The following XRCC5 variants were observed in gnomAD, a reference collection of about 807,000 sequenced individuals.
The protein encoded by XRCC5 is DNA repair protein Ku80.
XRCC5 carries 12 observed loss-of-function variants against 95.7 expected under a neutral mutation model. That is an observed-to-expected ratio of 0.13 (90% CI 0.08 to 0.20). The LOEUF is 0.20. Among genes scored for constraint, XRCC5 ranks in the 10% least tolerant of loss-of-function variants. The probability of loss-of-function intolerance (pLI) is 1.00; values close to 1 mark genes in which losing one functional copy is unlikely to be tolerated. For missense variants in XRCC5, 595 were observed against 873.9 expected, an observed-to-expected ratio of 0.68 and a Z score of 4.02; for synonymous variants, 281 against 290.3, an observed-to-expected ratio of 0.97 and a Z score of 0.33.
At chr2:216,179,455 T>C (rs1689341393) in intron 16 of XRCC5, among the ~76,000 whole-genome samples, 1 of 152,140 alleles carries the variant, frequency 6.6e-6, no homozygotes, top group South Asian at 2.1e-4. Flanking sequence ...ATTCAGCCCA[T>C]GACAGCACTA....
Position 216,204,503 on chromosome 2 carries a change from A to C in XRCC5, c.2184+107A>C. 7 of 1,201,510 alleles carry C rather than the reference A, an allele frequency of 5.8e-6. No homozygotes were observed. The South Asian group carries it at 8.9e-5, about 15-fold the overall frequency. 74.4% of individuals were successfully genotyped at this position (1,201,510 alleles called of 1,614,324 possible). On this transcript the variant is annotated intron_variant, in intron 20 of 20. Coordinates refer to ENST00000392132, the MANE Select transcript of XRCC5 (RefSeq NM_021141.4). The stretch of plus-strand genomic sequence containing the variant: ...TACACTTGTTGCTTATTTGTGTTTT[A>C]ATTTCCAATACACCAGAAGCTTCCT...
At chr2:216,135,195 CAT>C (rs1446219347) in intron 10 of XRCC5, among the ~76,000 whole-genome samples, 1 of 151,972 alleles carries the variant, frequency 6.6e-6, no homozygotes, top group East Asian at 1.9e-4. Context: ...GAGAGAAGTA[CAT>C]AGTGTTTGGG....
At chr2:216,202,946 C>T (rs893217424) in intron 19 of XRCC5, among the ~76,000 whole-genome samples, 1 of 152,142 alleles carries the variant, frequency 6.6e-6, no homozygotes, top group African/African-American at 2.4e-5. Context: ...CATGCAGCCT[C>T]ATATTTCATG....
At chr2:216,195,106 A>C in intron 19 of XRCC5, 120 bp downstream of exon 19, 1 of 885,616 alleles carries the variant, frequency 1.1e-6, no homozygotes, top group South Asian at 1.5e-5. Flanking sequence ...TTTGTATTCA[A>C]TATGTAAATT....
chr2:216,163,412 C>T (rs1195286857), intron 16 of XRCC5, among the ~76,000 whole-genome samples: 2 of 152,054 alleles, frequency 1.3e-5, no homozygotes, highest in Admixed American at 6.6e-5. Context: ...ACCCTGGCCT[C>T]CTGAGTAGCT....
intron 14 of XRCC5, among the ~76,000 whole-genome samples, chr2:216,149,057 A>G (rs1559247828): frequency 6.6e-6 from 1 of 152,122 alleles, no homozygotes; most frequent in Non-Finnish European, 1.5e-5. Flanking sequence ...TGTATTTTGA[A>G]ATCTGATTTT....
intron 16 of XRCC5, among the ~76,000 whole-genome samples, chr2:216,179,453 C>T (rs961938987): frequency 6.6e-6 from 1 of 152,064 alleles, no homozygotes; most frequent in South Asian, 2.1e-4. Flanking sequence ...CTATTCAGCC[C>T]ATGACAGCAC....
chr2:216,196,209 G>T (rs1017341910), intron 19 of XRCC5, among the ~76,000 whole-genome samples: 1 of 143,978 alleles, frequency 6.9e-6, no homozygotes, highest in African/African-American at 2.7e-5. Flanking sequence ...CCTAGCAAAA[G>T]ATTTTTGTTA....
chr2:216,158,504 CCT>C (rs1688889341), intron 14 of XRCC5, among the ~76,000 whole-genome samples: 4 of 152,262 alleles, frequency 2.6e-5, no homozygotes, highest in African/African-American at 9.6e-5. Context: ...CTGGCTCTGA[CCT>C]TTTTTTTTAA....
At chr2:216,174,969 G>T in intron 16 of XRCC5, 1 of 321,768 alleles carries the variant, frequency 3.1e-6, no homozygotes, top group South Asian at 3.2e-5. Context: ...AACTCCCCGA[G>T]CTTCTTCCAC....
intron 16 of XRCC5, among the ~76,000 whole-genome samples, chr2:216,182,994 A>G (rs962516365): frequency 2.0e-5 from 3 of 152,236 alleles, no homozygotes; most frequent in Non-Finnish European, 4.4e-5. Context: ...TACCCAAGCT[A>G]TTTAAGAAGA....
At chr2:216,135,792 CTG>C (rs1353204367) in intron 10 of XRCC5, among the ~76,000 whole-genome samples, 1 of 137,790 alleles carries the variant, frequency 7.3e-6, no homozygotes, top group East Asian at 3.0e-4. Flanking sequence ...GAGTGAGACT[CTG>C]TCTCAAAAAA....
chr2:216,167,615 AT>A (rs200666340), intron 16 of XRCC5, among the ~76,000 whole-genome samples: 2 of 93,338 alleles, frequency 2.1e-5, no homozygotes, highest in East Asian at 4.1e-4. Flanking sequence ...TGTGTGTGTG[AT>A]TTTTTTTAAT....
intron 14 of XRCC5, among the ~76,000 whole-genome samples, chr2:216,158,618 C>T (rs1003127138): frequency 1.3e-5 from 2 of 152,040 alleles, no homozygotes; most frequent in African/African-American, 4.8e-5. Flanking sequence ...ATTCTACTTG[C>T]AAGAAAAGAG....
chr2:216,165,799 T>C (rs989663083), intron 16 of XRCC5, among the ~76,000 whole-genome samples: 21 of 152,222 alleles, frequency 1.4e-4, no homozygotes, highest in African/African-American at 4.6e-4. Flanking sequence ...CTCGGCTGTT[T>C]TACCTATCAT....
chr2:216,197,426 C>T (rs576591776), intron 19 of XRCC5, among the ~76,000 whole-genome samples: 2 of 126,492 alleles, frequency 1.6e-5, no homozygotes, highest in Admixed American at 9.7e-5. Flanking sequence ...GCCTGGACAA[C>T]GAAAGCGAAA....
intron 2 of XRCC5, among the ~76,000 whole-genome samples, chr2:216,113,627 C>T (rs1379336433): frequency 6.6e-6 from 1 of 152,170 alleles, no homozygotes; most frequent in African/African-American, 2.4e-5. Flanking sequence ...AGGCCTCTTA[C>T]GCAGTTGCAA....
chr2:216,177,143 G>A (rs1689291892), intron 16 of XRCC5, among the ~76,000 whole-genome samples: 1 of 152,146 alleles, frequency 6.6e-6, no homozygotes, highest in African/African-American at 2.4e-5. Flanking sequence ...TGTTCTCTAT[G>A]GCCTTAAAAA....
chr2:216,116,271 C>CT (rs201052811), intron 2 of XRCC5, among the ~76,000 whole-genome samples: 6 of 148,482 alleles, frequency 4.0e-5, no homozygotes, highest in African/African-American at 7.4e-5. Context: ...CTATCCTGCA[C>CT]TTTTTTTTTT....
Sources: allele counts gnomAD v4.1 joint callset (sites outside exome capture counted in the v4.1 genomes callset), GRCh38; gene constraint gnomAD v4.1.1; transcripts MANE v1.5; gene names NCBI Gene and HGNC (gene_info 2026-07-23, HGNC 2026-07-21).